STX3: variants seen among roughly 807,000 people sequenced by gnomAD.
STX3 encodes the protein syntaxin 3.
STX3 carries 19 observed loss-of-function variants against 40.2 expected under a neutral mutation model. That is an observed-to-expected ratio of 0.47 (90% confidence interval 0.33 to 0.69). The LOEUF (loss-of-function observed/expected upper bound fraction) is 0.69. Ranked by LOEUF, STX3 falls within the 30% of genes least tolerant of loss-of-function variation. The pLI is 0.02. For missense variants in STX3, 364 were observed against 366.7 expected (o/e 0.99, Z 0.06); for synonymous variants, 122 against 132.2 (o/e 0.92, Z 0.53).
At chr11:59,788,841 C>T (rs1244782346) in intron 3 of STX3, 32 bp from the exon 4 acceptor site, 17 of 1,591,816 alleles carry the variant, frequency 1.1e-5, no homozygotes, top group Admixed American at 1.7e-5. Flanking sequence ...CCTCTCCTTT[C>T]TAACGGATTC....
chr11:59,777,016 C>G (rs186394048), intron 2 of STX3, among the ~76,000 whole-genome samples: 49 of 152,308 alleles, frequency 3.2e-4, no homozygotes, highest in African/African-American at 1.2e-3. Flanking sequence ...TATTTGAGCG[C>G]TTACTGTCTT....
At chr11:59,757,053 G>C (rs1862753796) in intron 1 of STX3, among the ~76,000 whole-genome samples, 1 of 152,186 alleles carries the variant, frequency 6.6e-6, no homozygotes, top group South Asian at 2.1e-4. Context: ...TGGCCTCTCT[G>C]CCTCAGGCTT....
intron 8 of STX3, among the ~76,000 whole-genome samples, chr11:59,795,150 T>C (rs1409416145): frequency 6.6e-6 from 1 of 152,222 alleles, no homozygotes; most frequent in Non-Finnish European, 1.5e-5. Context: ...GGTGGAGTGC[T>C]GGTCACAGAG....
At chr11:59,773,405 T>C in intron 2 of STX3, 111 bp downstream of exon 2, 1 of 1,008,782 alleles carries the variant, frequency 9.9e-7, no homozygotes, top group Non-Finnish European at 1.5e-6. Flanking sequence ...GTCACAGTTT[T>C]TTGCTAGGGT....
At chr11:59,758,020 T>G (rs1443010437) in intron 1 of STX3, among the ~76,000 whole-genome samples, 3 of 152,206 alleles carry the variant, frequency 2.0e-5, no homozygotes, top group Non-Finnish European at 4.4e-5. Context: ...GAGCAGCCTA[T>G]GCAATCTCTT....
intron 9 of STX3, 130 bp downstream of exon 9, chr11:59,795,612 T>C: frequency 6.5e-7 from 1 of 1,540,680 alleles, no homozygotes; most frequent in Non-Finnish European, 8.7e-7. Context: ...GGATCCATGA[T>C]TGACCGTATT....
intron 3 of STX3, among the ~76,000 whole-genome samples, chr11:59,788,493 G>T (rs1590810157): frequency 6.6e-6 from 1 of 152,154 alleles, no homozygotes; most frequent in East Asian, 1.9e-4. Flanking sequence ...GATTAGCCTT[G>T]GTTGAAATCT....
chr11:59,793,563 G>T, intron 8 of STX3, 49 bp downstream of exon 8: 1 of 1,586,942 alleles, frequency 6.3e-7, no homozygotes, highest in South Asian at 1.1e-5. Flanking sequence ...GGAAAGCTCA[G>T]GGTCTACTGA....
In STX3 at chr11:59,801,921, A is replaced by T; in HGVS notation, c.*1097A>T. 2 of 985,476 alleles carry T rather than the reference A, an allele frequency of 2.0e-6. No individual in the cohort carries two copies. The highest frequency in any genetic ancestry group is 2.4e-6 in the Non-Finnish European group (2 of 829,926). 61.0% of individuals were successfully genotyped at this position (985,476 alleles called of 1,614,324 possible). On this transcript the variant is annotated 3_prime_UTR_variant, in exon 11 of 11. Transcript: ENST00000337979. ...TGTGGAAATGTGATCTTCCCATATC[A>T]TCAAGAAACTTGTTTTCTGGATGAA...
rs112302565 is a variant in STX3 at position 59,803,751 on chromosome 11, G to C, written c.*2927G>C. 1 of 152,806 alleles carries C rather than the reference G, an allele frequency of 6.5e-6. No homozygotes were observed. Among genetic ancestry groups the C allele is most frequent in the Admixed American group, 6.6e-5 (1 of 15,254 alleles). 9.5% of individuals were successfully genotyped at this position (152,806 alleles called of 1,614,324 possible). The stretch of plus-strand genomic sequence containing the variant: ...AGCCTTGTATGTAGTCCTTTACCCC[G>C]GGTAAGAGGGATTTGGTGATCCCAG... On this transcript the variant is annotated 3_prime_UTR_variant, in exon 11 of 11. Coordinates refer to ENST00000337979, the MANE Select transcript of STX3 (RefSeq NM_004177.5).
At position 59,803,120 on chromosome 11, in the gene STX3, A is replaced by G. The variant is rs1008901079; in HGVS notation, c.*2296A>G. 23 of 1,229,700 alleles carry G rather than the reference A, an allele frequency of 1.9e-5. No individual in the cohort carries two copies. The highest frequency in any genetic ancestry group is 1.1e-4 in the African/African-American group (7 of 64,350). The allele number at this position is 1,229,700 out of a possible 1,614,324, so 76.2% of individuals were successfully genotyped here. ...TTTCCTTCTGTTGCTCTCTTCCTTC[A>G]CACCCTCTTCCATGTCCACATGCAC... On this transcript the variant is annotated 3_prime_UTR_variant, in exon 11 of 11. Coordinates refer to ENST00000337979, the MANE Select transcript of STX3 (RefSeq NM_004177.5).
chr11:59,755,685 GA>G (rs756696697), intron 1 of STX3, 50 bp downstream of exon 1: 1 of 1,558,864 alleles, frequency 6.4e-7, no homozygotes, highest in East Asian at 2.4e-5. Flanking sequence ...CTGCATGGGA[GA>G]GGGGCTTCCC....
chr11:59,764,955 G>A (rs1463504938), intron 1 of STX3, among the ~76,000 whole-genome samples: 5 of 151,312 alleles, frequency 3.3e-5, no homozygotes. Context: ...GGTCCTCAGG[G>A]ACCTTGGCTC....
intron 2 of STX3, among the ~76,000 whole-genome samples, chr11:59,783,647 AATTGCCTCATGATTTTTTG>A (rs1864565340): frequency 6.6e-6 from 1 of 152,196 alleles, no homozygotes; most frequent in Non-Finnish European, 1.5e-5. Flanking sequence ...CCTTCCCTGC[AATTGCCTCATGATTTTTTG>A]ATTATGTGGC....
intron 2 of STX3, among the ~76,000 whole-genome samples, chr11:59,784,245 AC>A (rs1223534575): frequency 6.6e-6 from 1 of 152,262 alleles, no homozygotes. Flanking sequence ...AATCTGTTGA[AC>A]ATGCAAAATC....
Position 59,801,163 on chromosome 11 carries a change from G to A in STX3, c.*339G>A, listed in dbSNP as rs527617605. On this transcript the variant is annotated 3_prime_UTR_variant, in exon 11 of 11. Coordinates refer to ENST00000337979, the MANE Select transcript of STX3 (RefSeq NM_004177.5). ...GCCTTGCACTTGGGAAAGCTCTTGT[G>A]AGACTCTCCCAAGGTGCTGTATTTT... 4,744 of 1,278,150 alleles carry A rather than the reference G, an allele frequency of 3.7e-3. 12 individuals carry two copies. Among genetic ancestry groups the A allele is most frequent in the Non-Finnish European group, 4.4e-3 (4,473 of 1,007,850 alleles). 79.2% of individuals were successfully genotyped at this position (1,278,150 alleles called of 1,614,324 possible).
At chr11:59,766,193 C>A (rs1474230463) in intron 1 of STX3, among the ~76,000 whole-genome samples, 1 of 152,230 alleles carries the variant, frequency 6.6e-6, no homozygotes, top group African/African-American at 2.4e-5. Flanking sequence ...CTGTGCTCTT[C>A]ATCTGGGATG....
chr11:59,781,568 G>C (rs1864383825), intron 2 of STX3: 2 of 1,613,712 alleles, frequency 1.2e-6, no homozygotes, highest in Admixed American at 3.3e-5. Flanking sequence ...TTATGGTGAG[G>C]TTTTTACCAT....
intron 2 of STX3, among the ~76,000 whole-genome samples, chr11:59,777,002 A>G (rs932718158): frequency 6.6e-6 from 1 of 152,232 alleles, no homozygotes; most frequent in Non-Finnish European, 1.5e-5. Flanking sequence ...TCTATTCATC[A>G]AAGTATTTGA....
Sources: allele counts gnomAD v4.1 joint callset (sites outside exome capture counted in the v4.1 genomes callset), GRCh38; gene constraint gnomAD v4.1.1; transcripts MANE v1.5; gene names NCBI Gene and HGNC (gene_info 2026-07-23, HGNC 2026-07-21).